TAFA1: variants seen among roughly 807,000 people sequenced by gnomAD.
TAFA1 encodes chemokine-like protein TAFA-1.
TAFA1 carries 4 observed loss-of-function variants against 18.5 expected under a neutral mutation model. The ratio of observed to expected loss-of-function variants is 0.22; its 90% CI spans 0.11 to 0.49. The LOEUF is 0.49. Ranked by LOEUF, TAFA1 falls within the 20% of genes least tolerant of loss-of-function variation. The pLI is 0.98. For missense variants in TAFA1, 147 were observed against 169.0 expected (o/e 0.87, Z 0.72); for synonymous variants, 56 against 55.2 (o/e 1.01, Z -0.06).
intron 3 of TAFA1, among the ~76,000 whole-genome samples, chr3:68,423,217 G>A (rs1263607812): frequency 6.6e-6 from 1 of 151,918 alleles, no homozygotes; most frequent in Admixed American, 6.6e-5. Flanking sequence ...CATTTTTTAA[G>A]GCTATTATGT....
At chr3:68,080,968 G>A (rs1013445491) in intron 2 of TAFA1, among the ~76,000 whole-genome samples, 17 of 151,920 alleles carry the variant, frequency 1.1e-4, no homozygotes, top group Admixed American at 7.2e-4. Flanking sequence ...CGTAGATTTG[G>A]TCTTTTCACA....
chr3:68,533,404 T>G (rs994805959), intron 3 of TAFA1, among the ~76,000 whole-genome samples: 1 of 152,164 alleles, frequency 6.6e-6, no homozygotes, highest in Non-Finnish European at 1.5e-5. Context: ...CCCCCATGAT[T>G]CAATTATCTC....
At chr3:68,112,557 C>T (rs2106839765) in intron 2 of TAFA1, among the ~76,000 whole-genome samples, 1 of 152,122 alleles carries the variant, frequency 6.6e-6, no homozygotes, top group Middle Eastern at 3.4e-3. Flanking sequence ...CTCCCCATTC[C>T]CTTAGAGTCT....
intron 3 of TAFA1, among the ~76,000 whole-genome samples, chr3:68,455,027 G>A (rs1490294302): frequency 6.6e-6 from 1 of 151,866 alleles, no homozygotes; most frequent in African/African-American, 2.4e-5. Context: ...ATAAAACATC[G>A]ATAACATGTA....
At chr3:68,420,611 A>G (rs2070936413) in intron 3 of TAFA1, among the ~76,000 whole-genome samples, 2 of 152,148 alleles carry the variant, frequency 1.3e-5, no homozygotes, top group Non-Finnish European at 1.5e-5. Context: ...CCCAGGGATC[A>G]TTTGGTAATG....
At chr3:68,347,370 A>G (rs553531800) in intron 2 of TAFA1, among the ~76,000 whole-genome samples, 58 of 152,128 alleles carry the variant, frequency 3.8e-4, no homozygotes, top group Non-Finnish European at 7.4e-4. Context: ...AAGAGTTTTA[A>G]ATTCTGTTAT....
At chr3:68,258,356 A>T (rs756133261) in intron 2 of TAFA1, among the ~76,000 whole-genome samples, 2 of 152,190 alleles carry the variant, frequency 1.3e-5, no homozygotes, top group Non-Finnish European at 2.9e-5. Context: ...TGGTTGATGT[A>T]TTCAAGTTGA....
At chr3:68,378,842 C>T (rs779844639) in intron 2 of TAFA1, among the ~76,000 whole-genome samples, 5 of 151,972 alleles carry the variant, frequency 3.3e-5, no homozygotes, top group Non-Finnish European at 7.4e-5. Context: ...CTTTCACACA[C>T]TCCTCTCTCT....
intron 2 of TAFA1, among the ~76,000 whole-genome samples, chr3:68,329,898 T>A (rs926986248): frequency 6.6e-6 from 1 of 152,218 alleles, no homozygotes; most frequent in Non-Finnish European, 1.5e-5. Context: ...TGGGTTAAAT[T>A]TTGCATTAGT....
chr3:68,480,156 G>A (rs985910775), intron 3 of TAFA1, among the ~76,000 whole-genome samples: 6 of 151,542 alleles, frequency 4.0e-5, no homozygotes, highest in African/African-American at 1.5e-4. Flanking sequence ...ACTTTGGGAG[G>A]CCAGGGCAGG....
At chr3:68,310,282 T>C (rs1021370647) in intron 2 of TAFA1, among the ~76,000 whole-genome samples, 1 of 152,190 alleles carries the variant, frequency 6.6e-6, no homozygotes, top group African/African-American at 2.4e-5. Context: ...TTTTGTTTAA[T>C]TTTTAGAAGC....
At chr3:68,144,616 A>C (rs2065714083) in intron 2 of TAFA1, among the ~76,000 whole-genome samples, 1 of 152,210 alleles carries the variant, frequency 6.6e-6, no homozygotes, top group African/African-American at 2.4e-5. Flanking sequence ...CTACTTATGT[A>C]GGGTTTATTT....
chr3:68,206,162 T>C (rs1559558299), intron 2 of TAFA1, among the ~76,000 whole-genome samples: 1 of 151,910 alleles, frequency 6.6e-6, no homozygotes, highest in Non-Finnish European at 1.5e-5. Context: ...GGTTTTAAAC[T>C]ATGTCAATAT....
intron 2 of TAFA1, among the ~76,000 whole-genome samples, chr3:68,095,094 T>C (rs1309378821): frequency 2.0e-5 from 3 of 152,130 alleles, no homozygotes; most frequent in African/African-American, 4.8e-5. Context: ...TTCTGGTTCT[T>C]TGTCTTCCAG....
At chr3:68,189,314 C>T (rs1295822210) in intron 2 of TAFA1, among the ~76,000 whole-genome samples, 1 of 151,820 alleles carries the variant, frequency 6.6e-6, no homozygotes, top group East Asian at 1.9e-4. Flanking sequence ...AGAAATCTAG[C>T]CCTAGAAAGC....
intron 2 of TAFA1, among the ~76,000 whole-genome samples, chr3:68,350,897 G>A (rs541686996): frequency 1.4e-4 from 22 of 152,160 alleles, no homozygotes; most frequent in Non-Finnish European, 2.5e-4. Flanking sequence ...CCTTGTAGCT[G>A]GGAAACTGAC....
chr3:68,492,972 T>A (rs533249866), intron 3 of TAFA1, among the ~76,000 whole-genome samples: 1 of 152,324 alleles, frequency 6.6e-6, no homozygotes, highest in African/African-American at 2.4e-5. Flanking sequence ...CAGAAAATTC[T>A]TTTTTCTTAT....
chr3:68,494,432 A>C (rs940560968), intron 3 of TAFA1, among the ~76,000 whole-genome samples: 13 of 152,322 alleles, frequency 8.5e-5, no homozygotes, highest in African/African-American at 3.1e-4. Flanking sequence ...TCTCTGTAGG[A>C]TAACCCAGAT....
At chr3:68,196,179 G>A (rs115308547) in intron 2 of TAFA1, among the ~76,000 whole-genome samples, 3,495 of 151,746 alleles carry the variant, frequency 0.023, 51 homozygotes, top group Non-Finnish European at 0.034. Context: ...GCTCCCATCC[G>A]GCCTTGACTT....
Sources: allele counts gnomAD v4.1 joint callset (sites outside exome capture counted in the v4.1 genomes callset), GRCh38; gene constraint gnomAD v4.1.1; transcripts MANE v1.5; gene names NCBI Gene and HGNC (gene_info 2026-07-23, HGNC 2026-07-21).